LRP1B: variants seen among roughly 807,000 people sequenced by gnomAD.
LRP1B encodes LDL receptor related protein 1B.
LRP1B carries 217 observed loss-of-function variants against 556.6 expected under a neutral mutation model. That is an observed-to-expected ratio of 0.39 (90% confidence interval 0.35 to 0.44). LRP1B has a LOEUF of 0.44. LRP1B is among the 20% of genes least tolerant of loss of function. The probability of loss-of-function intolerance (pLI) is 1.00; values close to 1 mark genes in which losing one functional copy is unlikely to be tolerated. For synonymous variants in LRP1B, 2,047 were observed against 1,865.8 expected, an observed-to-expected ratio of 1.10 and a Z score of -2.50; for missense variants, 5,053 against 5,620.8, an observed-to-expected ratio of 0.90 and a Z score of 3.23.
intron 3 of LRP1B, among the ~76,000 whole-genome samples, chr2:141,350,084 A>G (rs1688391242): frequency 6.6e-6 from 1 of 152,030 alleles, no homozygotes; most frequent in South Asian, 2.1e-4. Context: ...ATCAGATTTC[A>G]TGAGACCCCC....
chr2:140,583,646 G>C (rs192000605), intron 43 of LRP1B, among the ~76,000 whole-genome samples: 1 of 151,870 alleles, frequency 6.6e-6, no homozygotes, highest in African/African-American at 2.4e-5. Context: ...GCTTCTTTTA[G>C]TAATTTAACA....
chr2:141,380,997 A>G (rs1689618440), intron 3 of LRP1B, among the ~76,000 whole-genome samples: 1 of 151,822 alleles, frequency 6.6e-6, no homozygotes, highest in African/African-American at 2.4e-5. Flanking sequence ...TAATGTGTAG[A>G]AACTAACAGA....
At chr2:141,490,400 T>TGTGTGTGTGTGTGTGTGTG (rs66605553) in intron 2 of LRP1B, among the ~76,000 whole-genome samples, 3 of 150,894 alleles carry the variant, frequency 2.0e-5, no homozygotes, top group Admixed American at 6.6e-5. Context: ...TGTGTGTGTG[T>TGTGTGTGTGTGTGTGTGTG]TTTCTGCTAA....
At chr2:141,569,050 G>C (rs1254589174) in intron 2 of LRP1B, among the ~76,000 whole-genome samples, 1 of 150,984 alleles carries the variant, frequency 6.6e-6, no homozygotes, top group Non-Finnish European at 1.5e-5. Context: ...TTATAGGTGT[G>C]AGCCACCGTG....
chr2:140,272,669 T>G (rs934196985), intron 85 of LRP1B, among the ~76,000 whole-genome samples: 2 of 152,002 alleles, frequency 1.3e-5, no homozygotes, highest in Non-Finnish European at 2.9e-5. Flanking sequence ...AAAACAGAAA[T>G]TCTAACATCA....
intron 2 of LRP1B, among the ~76,000 whole-genome samples, chr2:141,553,396 T>G (rs1685825751): frequency 6.6e-6 from 1 of 151,658 alleles, no homozygotes; most frequent in African/African-American, 2.4e-5. Flanking sequence ...ATAAAGAGAA[T>G]AGTCTCCTGG....
At chr2:140,475,080 TTAAA>T (rs1687915708) in intron 60 of LRP1B, 54 bp downstream of exon 60, 1 of 775,312 alleles carries the variant, frequency 1.3e-6, no homozygotes, top group Non-Finnish European at 1.8e-6. Context: ...ATATATATTT[TTAAA>T]TAAATATTTT....
rs567499093 is a variant in LRP1B at position 140,286,740 on chromosome 2, T to A, written c.12967+11068A>T. On this transcript the variant is annotated intron_variant, in intron 84 of 90. Coordinates refer to ENST00000389484, the MANE Select transcript of LRP1B (RefSeq NM_018557.3). ...GAAGCATCTGATGCTATAAAATTAA[T>A]GTTTATTTTCATTATCTAAATTATA... Among the ~76,000 whole-genome samples, 3 of 152,008 alleles carry A rather than the reference T, an allele frequency of 2.0e-5. No homozygotes were observed. In the South Asian group the frequency reaches 6.2e-4, roughly 31 times the overall value.
chr2:141,802,364 C>T (rs1696035126), intron 2 of LRP1B, among the ~76,000 whole-genome samples: 2 of 152,120 alleles, frequency 1.3e-5, no homozygotes, highest in Non-Finnish European at 2.9e-5. Flanking sequence ...CCCTTCTTCA[C>T]CTATCTTTGC....
intron 7 of LRP1B, among the ~76,000 whole-genome samples, chr2:141,082,578 C>T (rs1305675355): frequency 6.6e-6 from 1 of 152,126 alleles, no homozygotes; most frequent in Non-Finnish European, 1.5e-5. Flanking sequence ...TAACTCTTAT[C>T]GTGGAGAATT....
intron 3 of LRP1B, among the ~76,000 whole-genome samples, chr2:141,477,858 G>T (rs747274454): frequency 3.9e-5 from 6 of 151,954 alleles, no homozygotes; most frequent in Non-Finnish European, 8.8e-5. Flanking sequence ...CATAATGAAT[G>T]GTTGCTTAGG....
intron 41 of LRP1B, among the ~76,000 whole-genome samples, chr2:140,613,460 C>T (rs1401966178): frequency 2.5e-5 from 2 of 81,432 alleles, no homozygotes; most frequent in Non-Finnish European, 5.9e-5. Context: ...TATATATCTC[C>T]TCCTACTTCC....
chr2:140,636,832 G>A (rs916104685), intron 41 of LRP1B, among the ~76,000 whole-genome samples: 5 of 152,038 alleles, frequency 3.3e-5, no homozygotes, highest in Admixed American at 6.6e-5. Context: ...CCACAGATAC[G>A]GCTTACTCCT....
chr2:140,830,180 A>G lies in LRP1B; in HGVS notation c.5209+9811T>C, dbSNP rs1691665939. ...ACTTCACTAGCAAATTATACCACACATTTAAATAAGAACTAATGCCAATTC... is the reference window on the plus strand; with the variant it reads ...ACTTCACTAGCAAATTATACCACACGTTTAAATAAGAACTAATGCCAATTC... On this transcript the variant is annotated intron_variant, in intron 31 of 90. Transcript: ENST00000389484. Among the ~76,000 whole-genome samples, 3 of 152,092 alleles carry G rather than the reference A, an allele frequency of 2.0e-5. No individual in the cohort carries two copies. In the South Asian group the frequency reaches 6.2e-4, roughly 31 times the overall value.
At chr2:140,233,394 GA>G (rs1680558144) in intron 90 of LRP1B, 68 bp from the exon 91 acceptor site, 2 of 1,086,114 alleles carry the variant, frequency 1.8e-6, no homozygotes, top group Non-Finnish European at 2.6e-6. Flanking sequence ...TTACTTCCTA[GA>G]ATGTCCATCT....
chr2:141,653,033 A>T (rs558868974), intron 2 of LRP1B, among the ~76,000 whole-genome samples: 1 of 152,288 alleles, frequency 6.6e-6, no homozygotes, highest in African/African-American at 2.4e-5. Context: ...ATATAATAAA[A>T]CTTGGAAGGC....
At chr2:140,631,036 C>A (rs562144727) in intron 41 of LRP1B, among the ~76,000 whole-genome samples, 1 of 152,258 alleles carries the variant, frequency 6.6e-6, no homozygotes, top group Non-Finnish European at 1.5e-5. Context: ...GAAAGAGCTG[C>A]AAGGCTCAGC....
rs536739338 is a variant in LRP1B, at chr2:142,076,179, A to T, written c.82+54469T>A. Among the ~76,000 whole-genome samples the T allele has an allele frequency of 5.9e-5, 9 of 152,244 alleles. No homozygotes were observed. The South Asian group carries it at 1.7e-3, about 28-fold the overall frequency. On this transcript the variant is annotated intron_variant, in intron 1 of 90. Coordinates refer to ENST00000389484, the MANE Select transcript of LRP1B (RefSeq NM_018557.3). ...TTTCTTAATAGGAAGATATATATTC[A>T]GTTGATACATTAAAATACTGTAAAC...
intron 18 of LRP1B, among the ~76,000 whole-genome samples, chr2:140,968,569 T>C (rs1558770797): frequency 6.6e-6 from 1 of 152,040 alleles, no homozygotes; most frequent in Non-Finnish European, 1.5e-5. Flanking sequence ...TGCCTTCTGC[T>C]AGCTTTTGAA....
Sources: allele counts gnomAD v4.1 joint callset (sites outside exome capture counted in the v4.1 genomes callset), GRCh38; gene constraint gnomAD v4.1.1; transcripts MANE v1.5; gene names NCBI Gene and HGNC (gene_info 2026-07-23, HGNC 2026-07-21).